Variants in PCDH11X observed in about 807,000 individuals in gnomAD.
PCDH11X encodes the protein protocadherin 11 X-linked, also known as protocadherin-11 X-linked.
PCDH11X carries 18 observed loss-of-function variants against 53.3 expected under a neutral mutation model. The ratio of observed to expected loss-of-function variants is 0.34; its 90% CI spans 0.23 to 0.50. The LOEUF (loss-of-function observed/expected upper bound fraction) is 0.50, where lower values mean the gene tolerates loss of function less well. Among genes scored for constraint, PCDH11X ranks in the 20% least tolerant of loss-of-function variants. The probability of loss-of-function intolerance (pLI) is 0.98; values close to 1 mark genes in which losing one functional copy is unlikely to be tolerated. For missense variants in PCDH11X, 570 were observed against 1,032.4 expected (o/e 0.55, Z 6.14); for synonymous variants, 279 against 393.3 (o/e 0.71, Z 3.44).
At chrX:92,378,918 T>G (rs2070810304) in intron 8 of PCDH11X, among the ~76,000 whole-genome samples, 1 of 113,317 alleles carries the variant, frequency 8.8e-6, no homozygotes, top group Non-Finnish European at 1.9e-5. Flanking sequence ...CCATGTGGCT[T>G]AAATAATCTG....
chrX:92,178,674 C>G (rs1354238833), intron 6 of PCDH11X, among the ~76,000 whole-genome samples: 1 of 111,078 alleles, frequency 9.0e-6, no homozygotes, highest in Admixed American at 9.6e-5. Context: ...GTATTATTGG[C>G]CTTCATTTTG....
Position 92,026,466 on chromosome X carries a change from T to A in PCDH11X, c.3033+147193T>A, listed in dbSNP as rs770371082. 2.8e-3 allele frequency among the ~76,000 whole-genome samples: 306 copies of A among 110,571 alleles called. 3 individuals carry two copies. The highest frequency in any genetic ancestry group is 0.013 in the South Asian group (33 of 2,579). On this transcript the variant is annotated intron_variant, in intron 6 of 10. Coordinates refer to ENST00000682573, the MANE Select transcript of PCDH11X (RefSeq NM_032968.5). ...AGATCACTCACACTGGAGGAATGTG[T>A]GGCTAAAAGAGGAGATACATTTCCC...
At chrX:92,509,445 T>G (rs1379250630) in intron 10 of PCDH11X, among the ~76,000 whole-genome samples, 1 of 110,330 alleles carries the variant, frequency 9.1e-6, no homozygotes, top group Non-Finnish European at 1.9e-5. Flanking sequence ...TAAAAAGTTT[T>G]AATAGTGACA....
chrX:92,232,785 T>C (rs764759769), intron 7 of PCDH11X, among the ~76,000 whole-genome samples: 9 of 112,227 alleles, frequency 8.0e-5, no homozygotes, highest in East Asian at 5.7e-4. Context: ...GGTGCGATCT[T>C]GGCTCACTGT....
intron 6 of PCDH11X, among the ~76,000 whole-genome samples, chrX:92,151,224 G>A (rs1447055714): frequency 2.8e-5 from 3 of 108,596 alleles, no homozygotes; most frequent in African/African-American, 6.7e-5. Context: ...ATGGAGTCTC[G>A]CCCTGTCACC....
At chrX:92,215,838 G>C (rs2066696418) in intron 7 of PCDH11X, among the ~76,000 whole-genome samples, 1 of 107,659 alleles carries the variant, frequency 9.3e-6, no homozygotes, top group Non-Finnish European at 1.9e-5. Context: ...ACACGGCCGG[G>C]TACTCCTCTG....
chrX:92,037,049 CATTTT>C (rs757937425), intron 6 of PCDH11X, among the ~76,000 whole-genome samples: 1 of 111,697 alleles, frequency 9.0e-6, no homozygotes, highest in African/African-American at 3.3e-5. Flanking sequence ...TATTTTATTT[CATTTT>C]ATTTTATTTT....
chrX:92,134,012 G>T (rs890319475), intron 6 of PCDH11X, among the ~76,000 whole-genome samples: 1 of 111,763 alleles, frequency 8.9e-6, no homozygotes, highest in African/African-American at 3.2e-5. Context: ...ACAACTTGAA[G>T]TGGGGAGGGG....
chrX:92,318,361 A>G (rs2069126158), intron 8 of PCDH11X, among the ~76,000 whole-genome samples: 1 of 111,825 alleles, frequency 8.9e-6, no homozygotes, highest in South Asian at 3.7e-4. Context: ...TTGCCTGTAC[A>G]ATCCAGCAAT....
chrX:92,105,450 T>TAA (rs2064358991), intron 6 of PCDH11X, among the ~76,000 whole-genome samples: 1 of 110,087 alleles, frequency 9.1e-6, no homozygotes, highest in Non-Finnish European at 1.9e-5. Flanking sequence ...TGCGCGTCCG[T>TAA]GTGAAGAGAC....
chrX:92,107,241 AAAC>A (rs1160370978), intron 6 of PCDH11X, among the ~76,000 whole-genome samples: 9 of 111,678 alleles, frequency 8.1e-5, no homozygotes, highest in Non-Finnish European at 1.7e-4. Flanking sequence ...AAATATGTAA[AAAC>A]AAGCTGTACC....
At chrX:92,357,145 T>A (rs1014231440) in intron 8 of PCDH11X, among the ~76,000 whole-genome samples, 3 of 109,704 alleles carry the variant, frequency 2.7e-5, no homozygotes, top group African/African-American at 1.0e-4. Flanking sequence ...AAAAGCCTGA[T>A]AACTTATATT....
Position 92,621,148 on chromosome X carries a change from ACACGTG to A in PCDH11X, c.*2212_*2217del, listed in dbSNP as rs1184880788. 1 of 82,894 alleles carries A rather than the reference ACACGTG, an allele frequency of 1.2e-5. No individual in the cohort carries two copies. Among genetic ancestry groups the A allele is most frequent in the Non-Finnish European group, 2.1e-5 (1 of 47,512 alleles). 6.8% of individuals were successfully genotyped at this position (82,894 alleles called of 1,213,427 possible). A position where few individuals can be genotyped will look rare whatever the true frequency, so the allele number is the denominator to read the frequency against. On this transcript the variant is annotated 3_prime_UTR_variant, in exon 11 of 11. Coordinates refer to ENST00000682573, the MANE Select transcript of PCDH11X (RefSeq NM_032968.5). Reference sequence around the variant, plus strand: ...ATGATCTACACACACACACACACACACACGTGCACACACACACACATTTAAATGATA... The same window carrying A: ...ATGATCTACACACACACACACACACACACACACACACACATTTAAATGATA...
intron 9 of PCDH11X, among the ~76,000 whole-genome samples, chrX:92,437,194 G>A (rs751039997): frequency 9.0e-6 from 1 of 111,063 alleles, no homozygotes; most frequent in Non-Finnish European, 1.9e-5. Flanking sequence ...ATGTGCATAT[G>A]TGTGTATGGT....
chrX:91,950,508 G>T (rs1366100697), intron 6 of PCDH11X, among the ~76,000 whole-genome samples: 1 of 99,651 alleles, frequency 1.0e-5, no homozygotes. Flanking sequence ...TGGCTGATTA[G>T]TATGCTATGG....
intron 6 of PCDH11X, among the ~76,000 whole-genome samples, chrX:92,163,648 C>T (rs1434490259): frequency 4.5e-5 from 5 of 111,883 alleles, no homozygotes; most frequent in Non-Finnish European, 7.5e-5. Context: ...GACAGTCCCC[C>T]TTTCCCACTG....
At chrX:91,875,084 C>T (rs180978057) in intron 5 of PCDH11X, among the ~76,000 whole-genome samples, 1 of 109,955 alleles carries the variant, frequency 9.1e-6, no homozygotes, top group East Asian at 2.9e-4. Flanking sequence ...ATAAATCACC[C>T]ATGAATAGGA....
At chrX:92,028,881 A>G in intron 6 of PCDH11X, among the ~76,000 whole-genome samples, 1 of 111,621 alleles carries the variant, frequency 9.0e-6, no homozygotes, top group Middle Eastern at 4.6e-3. Flanking sequence ...AGCAAAGACA[A>G]GCTATCTTTG....
chrX:92,185,651 C>G (rs1238664562), intron 6 of PCDH11X, among the ~76,000 whole-genome samples: 1 of 111,215 alleles, frequency 9.0e-6, no homozygotes, highest in Non-Finnish European at 1.9e-5. Flanking sequence ...GGAACTCAAA[C>G]AACTCAATAG....
Sources: gnomAD v4.1 joint callset for allele counts (sites outside exome capture counted in the v4.1 genomes callset) on GRCh38, gnomAD v4.1.1 for gene constraint, MANE v1.5 for transcripts, NCBI Gene and HGNC (gene_info 2026-07-23, HGNC 2026-07-21) for gene names.